EGFLAM: variants seen among roughly 807,000 people sequenced by gnomAD.
EGFLAM encodes the protein pikachurin.
A neutral mutation model predicts 113.1 loss-of-function variants in EGFLAM; 79 were observed. The observed-to-expected ratio is 0.70, with a 90% CI of 0.58 to 0.84. The LOEUF is 0.84. Among genes scored for constraint, EGFLAM ranks in the 40% least tolerant of loss-of-function variants. The pLI is 0.00. For missense variants in EGFLAM, 1,265 were observed against 1,291.6 expected, an observed-to-expected ratio of 0.98 and a Z score of 0.32; for synonymous variants, 504 against 487.6, an observed-to-expected ratio of 1.03 and a Z score of -0.44.
At chr5:38,270,432 C>T (rs1757738880) in intron 1 of EGFLAM, among the ~76,000 whole-genome samples, 1 of 152,012 alleles carries the variant, frequency 6.6e-6, no homozygotes, top group Admixed American at 6.6e-5. Flanking sequence ...GTTTCTCAAA[C>T]ATCTCTTTGA....
chr5:38,380,256 T>C (rs377146471), intron 6 of EGFLAM, among the ~76,000 whole-genome samples: 70 of 152,370 alleles, frequency 4.6e-4, no homozygotes, highest in African/African-American at 1.7e-3. Context: ...TCAGGAAATT[T>C]GGTAAATCCC....
chr5:38,396,842 C>T (rs939395719), intron 6 of EGFLAM, among the ~76,000 whole-genome samples: 2 of 152,202 alleles, frequency 1.3e-5, no homozygotes, highest in African/African-American at 4.8e-5. Context: ...GTATCTCCTC[C>T]ATCAGCAGGT....
At chr5:38,292,744 C>A (rs1397861285) in intron 1 of EGFLAM, among the ~76,000 whole-genome samples, 2 of 152,078 alleles carry the variant, frequency 1.3e-5, no homozygotes, top group Non-Finnish European at 2.9e-5. Context: ...GGTTGGGTGG[C>A]ATGTGTGATT....
intron 5 of EGFLAM, among the ~76,000 whole-genome samples, chr5:38,360,849 T>C (rs1425114019): frequency 1.3e-5 from 2 of 151,112 alleles, no homozygotes; most frequent in Admixed American, 1.3e-4. Context: ...TTTATTTATT[T>C]ATTTATTTAT....
chr5:38,446,107 G>T (rs750388087), intron 17 of EGFLAM, among the ~76,000 whole-genome samples: 10 of 152,110 alleles, frequency 6.6e-5, no homozygotes, highest in African/African-American at 1.4e-4. Flanking sequence ...CTCCGGGAAG[G>T]CCTCCCCCAC....
chr5:38,346,226 C>A (rs1260863824), intron 3 of EGFLAM, among the ~76,000 whole-genome samples: 1 of 152,170 alleles, frequency 6.6e-6, no homozygotes, highest in Non-Finnish European at 1.5e-5. Context: ...TCAGTGGTAA[C>A]ATTTAAATTT....
chr5:38,438,657 T>G (rs1179208775), intron 17 of EGFLAM, among the ~76,000 whole-genome samples: 1 of 152,242 alleles, frequency 6.6e-6, no homozygotes, highest in Admixed American at 6.5e-5. Flanking sequence ...GCTGAAATAC[T>G]TCTGCTAACA....
intron 5 of EGFLAM, among the ~76,000 whole-genome samples, chr5:38,365,823 G>T (rs1740044751): frequency 6.6e-6 from 1 of 152,062 alleles, no homozygotes; most frequent in Non-Finnish European, 1.5e-5. Context: ...GTGAGTCAAG[G>T]TCAGAGATAC....
chr5:38,281,194 T>C (rs1758003637), intron 1 of EGFLAM, among the ~76,000 whole-genome samples: 1 of 152,180 alleles, frequency 6.6e-6, no homozygotes, highest in South Asian at 2.1e-4. Context: ...GCAGATCTTC[T>C]TAGGTTCTTT....
intron 1 of EGFLAM, chr5:38,305,523 G>A: frequency 2.2e-6 from 1 of 449,424 alleles, no homozygotes; most frequent in Non-Finnish European, 4.5e-6. Flanking sequence ...ATCCAGGAGA[G>A]GGATATAAGA....
At chr5:38,312,310 C>T (rs919143234) in intron 1 of EGFLAM, among the ~76,000 whole-genome samples, 13 of 150,874 alleles carry the variant, frequency 8.6e-5, no homozygotes, top group Admixed American at 2.0e-4. Context: ...GGTGCAATCT[C>T]GGCTCACTGC....
intron 1 of EGFLAM, among the ~76,000 whole-genome samples, chr5:38,296,440 A>G (rs1184222095): frequency 6.6e-6 from 1 of 152,172 alleles, no homozygotes; most frequent in Non-Finnish European, 1.5e-5. Context: ...GCTGCTTCAC[A>G]GTATACTCAG....
At chr5:38,334,520 C>T (rs1739134649) in intron 1 of EGFLAM, among the ~76,000 whole-genome samples, 1 of 152,072 alleles carries the variant, frequency 6.6e-6, no homozygotes, top group Admixed American at 6.5e-5. Context: ...TTAATCACCT[C>T]CCAAAGGCCA....
chr5:38,439,673 A>T (rs1378449823), intron 17 of EGFLAM, among the ~76,000 whole-genome samples: 1 of 152,190 alleles, frequency 6.6e-6, no homozygotes, highest in African/African-American at 2.4e-5. Context: ...TCTTCCTTGT[A>T]TTTTTAACAA....
At chr5:38,387,983 T>C (rs1441853259) in intron 6 of EGFLAM, among the ~76,000 whole-genome samples, 1 of 152,198 alleles carries the variant, frequency 6.6e-6, no homozygotes, top group East Asian at 1.9e-4. Flanking sequence ...GGGACACTGA[T>C]GGGACCCTCC....
At chr5:38,312,657 G>C (rs1579758921) in intron 1 of EGFLAM, among the ~76,000 whole-genome samples, 1 of 152,338 alleles carries the variant, frequency 6.6e-6, no homozygotes, top group Non-Finnish European at 1.5e-5. Flanking sequence ...TTCTGCCTTT[G>C]GTTGTAGGTA....
intron 3 of EGFLAM, among the ~76,000 whole-genome samples, chr5:38,349,773 GCA>G (rs57785664): frequency 0.41 from 53,404 of 130,846 alleles, 10,615 homozygotes; most frequent in Admixed American, 0.51. Flanking sequence ...AAGTACACAC[GCA>G]CACACACACA....
At chr5:38,412,971 A>G (rs1411903226) in intron 11 of EGFLAM, among the ~76,000 whole-genome samples, 2 of 152,114 alleles carry the variant, frequency 1.3e-5, no homozygotes, top group Non-Finnish European at 2.9e-5. Context: ...TTCCCTAAGT[A>G]CATCAAAGCC....
At chr5:38,309,917 A>G (rs1025245426) in intron 1 of EGFLAM, among the ~76,000 whole-genome samples, 3 of 152,200 alleles carry the variant, frequency 2.0e-5, no homozygotes, top group African/African-American at 7.2e-5. Flanking sequence ...GTAACACCAA[A>G]TGCCACTGCT....
Sources: gnomAD v4.1 joint callset for allele counts (sites outside exome capture counted in the v4.1 genomes callset) on GRCh38, gnomAD v4.1.1 for gene constraint, MANE v1.5 for transcripts, NCBI Gene and HGNC (gene_info 2026-07-23, HGNC 2026-07-21) for gene names.